SLC37A1: variants seen among roughly 807,000 people sequenced by gnomAD.
SLC37A1 encodes glucose-6-phosphate exchanger SLC37A1.
Under a neutral mutation model 75.3 loss-of-function variants are expected in SLC37A1, and 49 were observed. The ratio of observed to expected loss-of-function variants is 0.65; its 90% CI spans 0.52 to 0.83. SLC37A1 has a LOEUF of 0.83. SLC37A1 is among the 40% of genes least tolerant of loss of function. The probability of loss-of-function intolerance (pLI) is 0.00; values close to 1 mark genes in which losing one functional copy is unlikely to be tolerated. For missense variants in SLC37A1, 566 were observed against 695.0 expected (o/e 0.81, Z 2.09); for synonymous variants, 268 against 292.1 (o/e 0.92, Z 0.84).
At chr21:42,574,638 C>G (rs763737421) in intron 17 of SLC37A1, among the ~76,000 whole-genome samples, 180 bp from the exon 18 acceptor site, 16 of 152,164 alleles carry the variant, frequency 1.1e-4, no homozygotes, top group Non-Finnish European at 2.2e-4. Flanking sequence ...ATTTGGAAGG[C>G]TCAACCTATA....
Position 42,552,768 on chromosome 21 carries a change from G to T in SLC37A1, c.769-1294G>T, listed in dbSNP as rs2055588937. ...GAATTTTAAGATAGGCTTTGCCTGA[G>T]CACCCACGTTCCTGGCTGAAAAGCA... On this transcript the variant is annotated intron_variant, in intron 9 of 19. Coordinates refer to ENST00000352133, the MANE Select transcript of SLC37A1 (RefSeq NM_001320537.2). The surrounding 1 kb of genome is among the most constrained non-coding windows in gnomAD (Gnocchi z 4.2). 1.3e-5 allele frequency among the ~76,000 whole-genome samples: 2 copies of T among 152,188 alleles called. No individual in the cohort carries two copies. Among genetic ancestry groups the T allele is most frequent in the East Asian group, 3.8e-4 (2 of 5,198 alleles).
chr21:42,563,719 C>T, intron 12 of SLC37A1, 96 bp from the exon 13 acceptor site: 1 of 1,111,550 alleles, frequency 9.0e-7, no homozygotes, highest in East Asian at 2.4e-5. Flanking sequence ...CTTATGAAGC[C>T]AGAGTCCCGT....
At position 42,563,888 on chromosome 21, in the gene SLC37A1, T is replaced by G. The variant is rs2055900596; in HGVS notation, c.1135+11T>G. The G allele has an allele frequency of 1.9e-6, 3 of 1,614,156 alleles. No homozygotes were observed. Among genetic ancestry groups the G allele is most frequent in the Non-Finnish European group, 2.5e-6 (3 of 1,179,976 alleles). On this transcript the variant is annotated intron_variant, in intron 13 of 19. Transcript: ENST00000352133. ...TGGGCGGAATCTTTGGTGAGTTCATTAAGACTTGTTCTGCTGCAACAATAA... is the reference window on the plus strand; with the variant it reads ...TGGGCGGAATCTTTGGTGAGTTCATGAAGACTTGTTCTGCTGCAACAATAA...
intron 3 of SLC37A1, among the ~76,000 whole-genome samples, chr21:42,532,968 A>C (rs228051): frequency 0.79 from 120,340 of 152,190 alleles, 48,476 homozygotes; most frequent in African/African-American, 0.85. Flanking sequence ...CAGCTGCATC[A>C]CGTGTGACAT....
chr21:42,563,950 C>A, intron 13 of SLC37A1, 73 bp downstream of exon 13: 1 of 1,541,552 alleles, frequency 6.5e-7, no homozygotes, highest in Non-Finnish European at 8.9e-7. Flanking sequence ...TGATTCACTG[C>A]TCAGGGGAAC....
chr21:42,580,601 G>A lies in SLC37A1; in HGVS notation c.*241G>A, dbSNP rs913784004. On this transcript the variant is annotated 3_prime_UTR_variant, in exon 20 of 20. Coordinates refer to ENST00000352133, the MANE Select transcript of SLC37A1 (RefSeq NM_001320537.2). ...GCTGCCTGAGCCAAGCCAGAGAACCGAAGACCCGGCCGGCCCTGGCCTCAC... is the reference window on the plus strand; with the variant it reads ...GCTGCCTGAGCCAAGCCAGAGAACCAAAGACCCGGCCGGCCCTGGCCTCAC... 17 of 381,148 alleles carry A rather than the reference G, an allele frequency of 4.5e-5. No individual in the cohort carries two copies. Among genetic ancestry groups the A allele is most frequent in the East Asian group, 3.3e-4 (5 of 15,002 alleles). The allele number at this position is 381,148 out of a possible 1,614,324, so 23.6% of individuals were successfully genotyped here. A position where few individuals can be genotyped will look rare whatever the true frequency, so the allele number is the denominator to read the frequency against.
chr21:42,502,384 A>G (rs1043243691), exon 2 of SLC37A1: 1 of 151,968 alleles, frequency 6.6e-6, no homozygotes, highest in African/African-American at 2.4e-5. Flanking sequence ...TCTCACCAAA[A>G]CAGAGTGTGG....
At position 42,562,857 on chromosome 21, in the gene SLC37A1, C is replaced by T. The variant is rs115859672; in HGVS notation, c.1072+689C>T. On this transcript the variant is annotated intron_variant, in intron 12 of 19. Transcript: ENST00000352133. ...AGAGCGAGAGGAAGGAGAAGACACA[C>T]GCTGGGCCGTCAGGGAGGGGCAGAA... Among the ~76,000 whole-genome samples, 791 of 152,196 alleles carry T rather than the reference C, an allele frequency of 5.2e-3. 2 individuals carry two copies. The highest frequency in any genetic ancestry group is 0.017 in the African/African-American group (713 of 41,490).
intron 2 of SLC37A1, among the ~76,000 whole-genome samples, chr21:42,508,122 CTTTTTTTTTTTT>C (rs398036474): frequency 1.2e-5 from 1 of 80,948 alleles, no homozygotes; most frequent in Non-Finnish European, 2.4e-5. Flanking sequence ...AGAGTACGCT[CTTTTTTTTTTTT>C]TTTTTTTTTT....
chr21:42,543,306 C>G, intron 7 of SLC37A1, 130 bp from the exon 8 acceptor site: 1 of 1,021,502 alleles, frequency 9.8e-7, no homozygotes. Context: ...GGCACAGAAG[C>G]AGGGTCTGCA....
At chr21:42,556,281 A>T (rs976102490) in intron 10 of SLC37A1, among the ~76,000 whole-genome samples, 2 of 152,168 alleles carry the variant, frequency 1.3e-5, no homozygotes, top group African/African-American at 4.8e-5. Flanking sequence ...GTCTCTGAGG[A>T]TCCTTCTGAT....
At chr21:42,563,220 G>A (rs964663241) in intron 12 of SLC37A1, among the ~76,000 whole-genome samples, 13 of 152,198 alleles carry the variant, frequency 8.5e-5, no homozygotes, top group Non-Finnish European at 1.5e-4. Context: ...GGTTGCAAAA[G>A]GGGTGACGTT....
chr21:42,551,472 G>A (rs1287031475), intron 9 of SLC37A1, among the ~76,000 whole-genome samples: 1 of 152,222 alleles, frequency 6.6e-6, no homozygotes, highest in Non-Finnish European at 1.5e-5. Context: ...GATGACTGCT[G>A]ACAGGTATGA....
chr21:42,574,814 T>G lies in SLC37A1; in HGVS notation c.1424-4T>G, dbSNP rs1334625601. The G allele has an allele frequency of 2.5e-6, 4 of 1,614,020 alleles. No homozygotes were observed. The highest frequency in any genetic ancestry group is 1.7e-6 in the Non-Finnish European group (2 of 1,179,972). ...ACCATGTGTGTCCATTTGCCTGATT[T>G]CAGGAGCAGCCCTGGGCCCCCTGCT... On this transcript the variant is annotated splice_region_variant and splice_polypyrimidine_tract_variant and intron_variant, in intron 17 of 19. Coordinates refer to ENST00000352133, the MANE Select transcript of SLC37A1 (RefSeq NM_001320537.2).
chr21:42,530,595 T>TACACACACACACACACACACACAC (rs71190427), intron 3 of SLC37A1, among the ~76,000 whole-genome samples: 1 of 103,130 alleles, frequency 9.7e-6, no homozygotes, highest in East Asian at 2.9e-4. Context: ...ATGCAGATGA[T>TACACACACACACACACACACACAC]ACACACACAC....
chr21:42,560,090 C>T (rs1425481619), intron 11 of SLC37A1, among the ~76,000 whole-genome samples: 2 of 151,998 alleles, frequency 1.3e-5, no homozygotes, highest in African/African-American at 2.4e-5. Context: ...GCGTGATCAG[C>T]GGGTGATCAG....
chr21:42,574,474 T>C (rs1477764374), intron 17 of SLC37A1, among the ~76,000 whole-genome samples: 1 of 152,138 alleles, frequency 6.6e-6, no homozygotes. Flanking sequence ...CAGAAGTGGT[T>C]ATGTCTTTTT....
intron 2 of SLC37A1, among the ~76,000 whole-genome samples, chr21:42,503,932 C>G (rs1418765619): frequency 6.6e-6 from 1 of 152,196 alleles, no homozygotes; most frequent in Non-Finnish European, 1.5e-5. Flanking sequence ...CCAGACGGGG[C>G]CCCTGGCAAC....
At chr21:42,575,396 C>A in intron 18 of SLC37A1, 1 of 985,478 alleles carries the variant, frequency 1.0e-6, no homozygotes, top group Non-Finnish European at 1.2e-6. Flanking sequence ...GCCCCAACTT[C>A]TTTCACCTGA....
Sources: allele counts gnomAD v4.1 joint callset (sites outside exome capture counted in the v4.1 genomes callset), GRCh38; gene constraint gnomAD v4.1.1; non-coding constraint Gnocchi (gnomAD v3.1); transcripts MANE v1.5; gene names NCBI Gene and HGNC (gene_info 2026-07-23, HGNC 2026-07-21).